AAR2: variants seen among roughly 807,000 people sequenced by gnomAD.
The protein encoded by AAR2 is protein AAR2 homolog.
Under a neutral mutation model 26.9 loss-of-function variants are expected in AAR2, and 31 were observed. The observed-to-expected ratio is 1.15, with a 90% CI of 0.86 to 1.55. AAR2 has a LOEUF of 1.55. Ranked by LOEUF, AAR2 falls within the 40% of genes most tolerant of loss-of-function variation. The probability of loss-of-function intolerance (pLI) is 0.00; values close to 1 mark genes in which losing one functional copy is unlikely to be tolerated. For missense variants in AAR2, 430 were observed against 491.3 expected, an observed-to-expected ratio of 0.88 and a Z score of 1.18; for synonymous variants, 188 against 196.1, an observed-to-expected ratio of 0.96 and a Z score of 0.34.
chr20:36,243,669 ATGGGCATC>A (rs2064705769), intron 2 of AAR2, among the ~76,000 whole-genome samples: 1 of 152,228 alleles, frequency 6.6e-6, no homozygotes, highest in African/African-American at 2.4e-5. Flanking sequence ...TCTGTTTGAG[ATGGGCATC>A]TGATAGAAAT....
intron 3 of AAR2, 93 bp downstream of exon 3, chr20:36,245,019 A>C (rs1219902121): frequency 2.6e-6 from 3 of 1,162,914 alleles, no homozygotes; most frequent in East Asian, 2.5e-5. Context: ...CCATGACCCC[A>C]AAATTTTTAA....
chr20:36,239,455 C>T (rs924537110), intron 1 of AAR2, among the ~76,000 whole-genome samples: 2 of 152,226 alleles, frequency 1.3e-5, no homozygotes, highest in Non-Finnish European at 2.9e-5. Flanking sequence ...TTTCCACCCT[C>T]ACCCTCTGTT....
intron 2 of AAR2, among the ~76,000 whole-genome samples, chr20:36,242,646 G>C (rs1056026088): frequency 6.6e-6 from 1 of 152,070 alleles, no homozygotes; most frequent in Non-Finnish European, 1.5e-5. Context: ...ACCTGCCTCA[G>C]CCTCCCAAAG....
At position 36,255,734 on chromosome 20, in the gene AAR2, G is replaced by A. The variant is rs202192416; in HGVS notation, c.1144G>A (p.Glu382Lys). 2.0e-4 allele frequency: 329 copies of A among 1,614,102 alleles called. 3 individuals are homozygous for A. The South Asian group carries it at 3.4e-3, about 17-fold the overall frequency. ...GGTGGTGGAGCTCCCTGAGGGCATC[G>A]AGATGGGCTAACTCGGGGAGCGCTC... ...PVVVELPEGI[E>K]MG Residue 382 changes from glutamate to lysine, a missense_variant, in exon 4 of 4, where the codon GAG becomes AAG. Coordinates refer to ENST00000320849, the MANE Select transcript of AAR2 (RefSeq NM_001271874.2).
At chr20:36,245,820 A>G (rs140087910) in intron 3 of AAR2, among the ~76,000 whole-genome samples, 2,089 of 152,306 alleles carry the variant, frequency 0.014, 36 homozygotes, top group Non-Finnish European at 0.019. Flanking sequence ...CAGGAATTAA[A>G]GACCAGCTTG....
rs890857350 is a variant in AAR2 at position 36,255,958 on chromosome 20, C to T, written c.*213C>T. On this transcript the variant is annotated 3_prime_UTR_variant, in exon 4 of 4. Transcript: ENST00000320849. ...CCTGAAGGCACATTTGTGGGTTCCC[C>T]ATCAGCCAGGCCTTGGTGCTAACCT... 42 of 642,016 alleles carry T rather than the reference C, an allele frequency of 6.5e-5. No individual in the cohort carries two copies. The highest frequency in any genetic ancestry group is 4.4e-4 in the Middle Eastern group (1 of 2,268). 39.8% of individuals were successfully genotyped at this position (642,016 alleles called of 1,614,324 possible). A position where few individuals can be genotyped will look rare whatever the true frequency, so the allele number is the denominator to read the frequency against.
chr20:36,239,530 G>A (rs2064652925), intron 1 of AAR2, among the ~76,000 whole-genome samples: 1 of 152,060 alleles, frequency 6.6e-6, no homozygotes. Flanking sequence ...CTGCAGGCAG[G>A]GTATCCAGAT....
In AAR2 at chr20:36,245,048, T is replaced by C. The variant is rs181501293; in HGVS notation, c.987+122T>C. The C allele has an allele frequency of 2.4e-4, 211 of 871,674 alleles. 2 individuals are homozygous for C. In the Middle Eastern group the frequency reaches 5.1e-3, roughly 21 times the overall value. The allele number at this position is 871,674 out of a possible 1,614,324, so 54.0% of individuals were successfully genotyped here. ...TTTTTAAATTTCAGTTTCCTAGTCT[T>C]GGGATATTTCCTGCTTTTCTCTCTC... On this transcript the variant is annotated intron_variant, in intron 3 of 3. Coordinates refer to ENST00000320849, the MANE Select transcript of AAR2 (RefSeq NM_001271874.2).
intron 3 of AAR2, among the ~76,000 whole-genome samples, chr20:36,251,742 C>T (rs568321936): frequency 1.9e-4 from 29 of 152,290 alleles, no homozygotes; most frequent in South Asian, 2.1e-4. Flanking sequence ...TTAAAAAGGA[C>T]GAAGCACTTT....
intron 2 of AAR2, among the ~76,000 whole-genome samples, chr20:36,241,559 G>A (rs1024765206): frequency 1.3e-5 from 2 of 152,094 alleles, no homozygotes; most frequent in Admixed American, 6.5e-5. Context: ...GGCTGAGGCC[G>A]GTGGGGATCA....
chr20:36,239,547 T>C (rs1314136829), intron 1 of AAR2, among the ~76,000 whole-genome samples: 3 of 152,176 alleles, frequency 2.0e-5, no homozygotes, highest in Non-Finnish European at 4.4e-5. Context: ...AGATTCTAAT[T>C]TGGGTCCTGG....
intron 3 of AAR2, among the ~76,000 whole-genome samples, chr20:36,246,008 G>C (rs1265865438): frequency 1.3e-5 from 2 of 152,208 alleles, no homozygotes; most frequent in African/African-American, 4.8e-5. Context: ...CTGGGCAACA[G>C]AGTGAGACCC....
chr20:36,240,416 T>A lies in AAR2; in HGVS notation c.548T>A (p.Ile183Asn). 1.2e-6 allele frequency: 2 copies of A among 1,614,196 alleles called. No individual in the cohort carries two copies. The highest frequency in any genetic ancestry group is 1.7e-6 in the Non-Finnish European group (2 of 1,180,050). ...GGGCAGAATCTACCCCGCTGTGGCA[T>A]TGAGTGCAAAAGCTACCAAGAGGGC... ...RVGQNLPRCG[I>N]ECKSYQEGLA... The change falls in exon 2 of 4, where the codon ATT becomes AAT. Residue 183 changes from isoleucine to asparagine, a missense_variant. Physicochemically the swap from Ile to Asn is moderately radical, Grantham distance 149 (BLOSUM62 -3). Coordinates refer to ENST00000320849, the MANE Select transcript of AAR2 (RefSeq NM_001271874.2).
chr20:36,247,677 G>A (rs754610050), intron 3 of AAR2, among the ~76,000 whole-genome samples: 2 of 152,110 alleles, frequency 1.3e-5, no homozygotes, highest in Non-Finnish European at 2.9e-5. Context: ...AGACCAGCCT[G>A]GCCAACATGG....
intron 3 of AAR2, among the ~76,000 whole-genome samples, chr20:36,247,303 G>T (rs549224853): frequency 1.3e-5 from 2 of 152,030 alleles, no homozygotes; most frequent in Non-Finnish European, 2.9e-5. Context: ...ACCAGCCTCC[G>T]TGCTTACCAG....
intron 3 of AAR2, among the ~76,000 whole-genome samples, chr20:36,246,720 T>C (rs2064737868): frequency 6.6e-6 from 1 of 152,304 alleles, no homozygotes; most frequent in Admixed American, 6.5e-5. Context: ...CAGCAATGAT[T>C]TACAAAGCAG....
At chr20:36,239,765 C>G (rs1224925556) in intron 1 of AAR2, 56 bp from the exon 2 acceptor site, 4 of 1,367,994 alleles carry the variant, frequency 2.9e-6, no homozygotes, top group Non-Finnish European at 3.0e-6. Context: ...GAATGCTTAG[C>G]AAATGAAGCA....
chr20:36,241,915 T>C (rs2064684492), intron 2 of AAR2, among the ~76,000 whole-genome samples: 1 of 152,192 alleles, frequency 6.6e-6, no homozygotes, highest in African/African-American at 2.4e-5. Flanking sequence ...TAGGAACCTG[T>C]TGCCCATCAC....
Position 36,244,851 on chromosome 20 carries a change from C to G in AAR2, c.912C>G (p.His304Gln). Residue 304 changes from histidine to glutamine, a missense_variant, in exon 3 of 4, where the codon CAC becomes CAG. His to Gln is a conservative substitution (Grantham distance 24). Transcript: ENST00000320849. ...LYINLISILYHQLGEIPADFF... is the reference protein window; with the variant it reads ...LYINLISILYQQLGEIPADFF... ...TCAACCTCATCTCCATCCTGTACCACCAGCTTGGTGAGATCCCCGCTGACT... is the reference window on the plus strand; with the variant it reads ...TCAACCTCATCTCCATCCTGTACCAGCAGCTTGGTGAGATCCCCGCTGACT... 6.2e-7 allele frequency: 1 copy of G among 1,614,210 alleles called. No individual in the cohort carries two copies. The highest frequency in any genetic ancestry group is 8.5e-7 in the Non-Finnish European group (1 of 1,180,046).
Sources: gnomAD v4.1 joint callset for allele counts (sites outside exome capture counted in the v4.1 genomes callset) on GRCh38, gnomAD v4.1.1 for gene constraint, MANE v1.5 for transcripts, NCBI Gene and HGNC (gene_info 2026-07-23, HGNC 2026-07-21) for gene names.